Variants in PLCL1 observed in about 807,000 individuals in gnomAD.
PLCL1 encodes inactive phospholipase C-like protein 1.
Under a neutral mutation model 84.4 loss-of-function variants are expected in PLCL1, and 41 were observed. The observed-to-expected ratio is 0.49, with a 90% CI of 0.38 to 0.63. The LOEUF is 0.63. PLCL1 is among the 30% of genes least tolerant of loss of function. PLCL1 has a pLI of 0.00. For synonymous variants in PLCL1, 490 were observed against 488.3 expected (o/e 1.00, Z -0.05); for missense variants, 1,206 against 1,367.8 (o/e 0.88, Z 1.87).
chr2:198,140,175 G>C (rs1420220787), intron 5 of PLCL1, among the ~76,000 whole-genome samples: 1 of 152,006 alleles, frequency 6.6e-6, no homozygotes. Flanking sequence ...TTAAGCTCTG[G>C]TCAACAAGTG....
intron 1 of PLCL1, among the ~76,000 whole-genome samples, chr2:197,806,445 A>G (rs545522701): frequency 6.6e-6 from 1 of 152,356 alleles, no homozygotes; most frequent in African/African-American, 2.4e-5. Flanking sequence ...TCCCAGCACC[A>G]GCTTAGGTAG....
At chr2:197,863,179 A>G (rs935425540) in intron 1 of PLCL1, among the ~76,000 whole-genome samples, 1 of 146,762 alleles carries the variant, frequency 6.8e-6, no homozygotes, top group African/African-American at 2.6e-5. Flanking sequence ...TTTTTTTTTA[A>G]TGATTATGTG....
Position 197,947,844 on chromosome 2 carries a change from T to C in PLCL1, c.241-135914T>C, listed in dbSNP as rs149565731. ...TATTTTTCAAAACTCCTGAGATGAT[T>C]CTACTAAGCAGCAAAGGCTGAGAAT... On this transcript the variant is annotated intron_variant, in intron 1 of 5. Coordinates refer to ENST00000428675, the MANE Select transcript of PLCL1 (RefSeq NM_006226.4). Among the ~76,000 whole-genome samples the C allele has an allele frequency of 7.0e-4, 107 of 152,228 alleles. 2 individuals are homozygous for C. The East Asian group carries it at 0.019, about 27-fold the overall frequency.
chr2:197,854,216 A>C (rs1687291716), intron 1 of PLCL1, among the ~76,000 whole-genome samples: 1 of 152,188 alleles, frequency 6.6e-6, no homozygotes, highest in Admixed American at 6.5e-5. Context: ...GAAGGAGGGT[A>C]CTCTGAATTG....
chr2:197,872,188 T>G (rs1191558537), intron 1 of PLCL1, among the ~76,000 whole-genome samples: 3 of 152,196 alleles, frequency 2.0e-5, no homozygotes, highest in African/African-American at 7.2e-5. Flanking sequence ...GCTTTCTGCT[T>G]AGCTCATCAG....
intron 1 of PLCL1, among the ~76,000 whole-genome samples, chr2:198,066,003 G>C (rs1289936072): frequency 6.6e-6 from 1 of 151,694 alleles, no homozygotes; most frequent in Non-Finnish European, 1.5e-5. Context: ...AAATATCAAG[G>C]GTTACAAATT....
chr2:198,106,625 C>T (rs1358996397), intron 5 of PLCL1, among the ~76,000 whole-genome samples: 4 of 151,824 alleles, frequency 2.6e-5, no homozygotes, highest in Non-Finnish European at 5.9e-5. Context: ...GCTAGGGATA[C>T]AAATATCAGG....
At chr2:197,841,775 T>A (rs1282072358) in intron 1 of PLCL1, among the ~76,000 whole-genome samples, 1 of 152,202 alleles carries the variant, frequency 6.6e-6, no homozygotes, top group Non-Finnish European at 1.5e-5. Context: ...TGTTTAGTTT[T>A]GTAAGAAATG....
intron 1 of PLCL1, among the ~76,000 whole-genome samples, chr2:197,856,272 G>C (rs1370706640): frequency 6.6e-6 from 1 of 152,084 alleles, no homozygotes; most frequent in Non-Finnish European, 1.5e-5. Context: ...CCTTTTTATA[G>C]TTGTCATATC....
intron 1 of PLCL1, among the ~76,000 whole-genome samples, chr2:197,854,475 G>T (rs912931617): frequency 6.6e-6 from 1 of 151,740 alleles, no homozygotes; most frequent in South Asian, 2.1e-4. Context: ...TGCTTCTTTA[G>T]TTTCCAGCAA....
rs1694548136 is a variant in PLCL1, at chr2:198,147,244, G to C, written c.*282G>C. ...TGTGTGTGTGTGTGTGGCAGAGAGA[G>C]AGAAAGAGAGAGAGAGAGAGAAATT... On this transcript the variant is annotated 3_prime_UTR_variant, in exon 6 of 6. Transcript: ENST00000428675. 8.9e-6 allele frequency: 2 copies of C among 223,696 alleles called. No homozygotes were observed. The highest frequency in any genetic ancestry group is 1.7e-5 in the Non-Finnish European group (2 of 115,696). The allele number at this position is 223,696 out of a possible 1,614,324, so 13.9% of individuals were successfully genotyped here. A position where few individuals can be genotyped will look rare whatever the true frequency, so the allele number is the denominator to read the frequency against.
intron 1 of PLCL1, among the ~76,000 whole-genome samples, chr2:197,897,188 TCTCCTTCTC>T (rs1688164874): frequency 1.2e-4 from 5 of 41,120 alleles, no homozygotes; most frequent in African/African-American, 1.9e-4. Context: ...TTCTTCTTCT[TCTCCTTCTC>T]CTTCTTCTTT....
intron 1 of PLCL1, among the ~76,000 whole-genome samples, chr2:197,995,391 C>G (rs1270331265): frequency 6.6e-6 from 1 of 152,070 alleles, no homozygotes; most frequent in Non-Finnish European, 1.5e-5. Flanking sequence ...AACACAAAGT[C>G]CCCCTGCTCC....
In PLCL1 at chr2:197,908,721, A is replaced by T. The variant is rs1041945967; in HGVS notation, c.240+103382A>T. Among the ~76,000 whole-genome samples, 3 of 152,252 alleles carry T rather than the reference A, an allele frequency of 2.0e-5. No individual in the cohort carries two copies. The East Asian group carries it at 5.8e-4, about 29-fold the overall frequency. On this transcript the variant is annotated intron_variant, in intron 1 of 5. Coordinates refer to ENST00000428675, the MANE Select transcript of PLCL1 (RefSeq NM_006226.4). ...TTATTTAATGACATTTAATATCCTAACTTAAAAAAACCTCATGATATATTT... is the reference window on the plus strand; with the variant it reads ...TTATTTAATGACATTTAATATCCTATCTTAAAAAAACCTCATGATATATTT...
intron 1 of PLCL1, among the ~76,000 whole-genome samples, chr2:197,985,565 A>G (rs961654558): frequency 4.6e-5 from 7 of 152,212 alleles, no homozygotes; most frequent in African/African-American, 2.4e-5. Flanking sequence ...CTGATTTGAG[A>G]AACATGACAC....
intron 3 of PLCL1, among the ~76,000 whole-genome samples, chr2:198,096,769 C>T (rs150273502): frequency 6.6e-6 from 1 of 152,218 alleles, no homozygotes; most frequent in Non-Finnish European, 1.5e-5. Flanking sequence ...ATTTGGAGAG[C>T]AGTTGATAGT....
rs78278476 is a variant in PLCL1, at chr2:197,979,479, G to T, written c.241-104279G>T. 2.1e-4 allele frequency among the ~76,000 whole-genome samples: 32 copies of T among 152,204 alleles called. No individual in the cohort carries two copies. In the East Asian group the frequency reaches 6.0e-3, roughly 28 times the overall value. On this transcript the variant is annotated intron_variant, in intron 1 of 5. Coordinates refer to ENST00000428675, the MANE Select transcript of PLCL1 (RefSeq NM_006226.4). ...TCTCTCCCTTCACACTGTAGGGGCCGGATTTCTGACCCTCACCACCTCTCT... is the reference window on the plus strand; with the variant it reads ...TCTCTCCCTTCACACTGTAGGGGCCTGATTTCTGACCCTCACCACCTCTCT...
At chr2:198,051,454 G>T (rs1691928914) in intron 1 of PLCL1, among the ~76,000 whole-genome samples, 1 of 151,916 alleles carries the variant, frequency 6.6e-6, no homozygotes, top group Non-Finnish European at 1.5e-5. Context: ...AGTATTAGAA[G>T]AAAATTAGAC....
At chr2:197,895,154 A>T (rs188481631) in intron 1 of PLCL1, among the ~76,000 whole-genome samples, 1 of 152,124 alleles carries the variant, frequency 6.6e-6, no homozygotes, top group African/African-American at 2.4e-5. Context: ...TAAAATTGTC[A>T]TAAGTTATCA....
Sources: allele counts gnomAD v4.1 joint callset (sites outside exome capture counted in the v4.1 genomes callset), GRCh38; gene constraint gnomAD v4.1.1; transcripts MANE v1.5; gene names NCBI Gene and HGNC (gene_info 2026-07-23, HGNC 2026-07-21).